UBA6: variants seen among roughly 807,000 people sequenced by gnomAD.
UBA6 encodes the protein ubiquitin-like modifier-activating enzyme 6.
In UBA6, 87 loss-of-function variants were observed where a neutral mutation model predicts 148.3. The ratio of observed to expected loss-of-function variants is 0.59; its 90% CI spans 0.49 to 0.70. The LOEUF is 0.70. Among genes scored for constraint, UBA6 ranks in the 30% least tolerant of loss-of-function variants. The probability of loss-of-function intolerance (pLI) is 0.00; values close to 1 mark genes in which losing one functional copy is unlikely to be tolerated. For missense variants in UBA6, 1,186 were observed against 1,241.2 expected (o/e 0.96, Z 0.67); for synonymous variants, 376 against 401.0 (o/e 0.94, Z 0.75).
intron 2 of UBA6, among the ~76,000 whole-genome samples, chr4:67,694,215 C>CAAAAAAAAAAAAAAAAAAAAAAAA (rs769649769): frequency 9.6e-5 from 4 of 41,872 alleles, no homozygotes; most frequent in Admixed American, 4.8e-4. Context: ...GACTCCATCT[C>CAAAAAAAAAAAAAAAAAAAAAAAA]AAAAAAAAAA....
At chr4:67,662,478 T>TC in intron 12 of UBA6, 1 of 421,452 alleles carries the variant, frequency 2.4e-6, no homozygotes, top group Non-Finnish European at 4.1e-6. Flanking sequence ...TTTTTGTTTT[T>TC]TTTTTTTTGA....
At position 67,644,725 on chromosome 4, in the gene UBA6, A is replaced by G. The variant is rs550742865; in HGVS notation, c.1449T>C (p.Gly483=). 12 of 1,610,310 alleles carry G rather than the reference A, an allele frequency of 7.5e-6. 1 individual carries two copies. The South Asian group carries it at 1.2e-4, about 16-fold the overall frequency. ...TTCCTTTCTCTTTGCTTGTGCCAAC[A>G]CCAAGTAAAGCAAAATTTTTCAACA... ...CEMLKNFALL[G]VGTSKEKGMI... The change falls in exon 17 of 33, where the codon GGT becomes GGC. Residue 483 remains glycine, a synonymous_variant. Coordinates refer to ENST00000322244, the MANE Select transcript of UBA6 (RefSeq NM_018227.6).
chr4:67,633,233 GA>G, intron 23 of UBA6, 111 bp downstream of exon 23: 2 of 985,810 alleles, frequency 2.0e-6, no homozygotes, highest in East Asian at 5.4e-5. Context: ...ACTAATTTCT[GA>G]AAAGCTTGCC....
chr4:67,632,487 T>TA (rs1729022256), intron 23 of UBA6, among the ~76,000 whole-genome samples: 1 of 152,090 alleles, frequency 6.6e-6, no homozygotes, highest in Admixed American at 6.5e-5. Flanking sequence ...TTTTTCATTA[T>TA]AAAAAAAGTT....
rs562577370 is a variant in UBA6 at position 67,646,852 on chromosome 4, G to A, written c.1249-61C>T. Reference sequence around the variant, plus strand: ...ATAAAACAAATTACTATAAAAAGAAGCTCCTTTATAGTTATTTAATAGTCA... The same window carrying A: ...ATAAAACAAATTACTATAAAAAGAAACTCCTTTATAGTTATTTAATAGTCA... On this transcript the variant is annotated intron_variant, in intron 14 of 32. Transcript: ENST00000322244. 3.0e-4 allele frequency: 319 copies of A among 1,064,584 alleles called. 3 individuals are homozygous for A. In the South Asian group the frequency reaches 6.1e-3, roughly 20 times the overall value. The allele number at this position is 1,064,584 out of a possible 1,614,324, so 65.9% of individuals were successfully genotyped here.
At chr4:67,644,253 A>G (rs1442469468) in intron 17 of UBA6, among the ~76,000 whole-genome samples, 1 of 152,138 alleles carries the variant, frequency 6.6e-6, no homozygotes, top group African/African-American at 2.4e-5. Context: ...ACTGAGCTTT[A>G]TATTTTTCCC....
chr4:67,622,228 T>C (rs1264098301), intron 32 of UBA6, among the ~76,000 whole-genome samples: 1 of 152,228 alleles, frequency 6.6e-6, no homozygotes, highest in African/African-American at 2.4e-5. Context: ...TTCCTTTCAG[T>C]CTCTGCTCAA....
chr4:67,658,414 T>C (rs1248685766), intron 13 of UBA6, among the ~76,000 whole-genome samples: 1 of 151,982 alleles, frequency 6.6e-6, no homozygotes, highest in Non-Finnish European at 1.5e-5. Flanking sequence ...CATCAAGTGA[T>C]GTAAAAACAA....
At chr4:67,641,033 T>C (rs1278727268) in intron 18 of UBA6, 118 bp downstream of exon 18, 8 of 682,644 alleles carry the variant, frequency 1.2e-5, no homozygotes, top group African/African-American at 1.9e-5. Context: ...CATTAATTGA[T>C]AATTTGAAAG....
chr4:67,642,709 CTCTTT>C (rs780445270), intron 17 of UBA6, among the ~76,000 whole-genome samples: 57 of 152,016 alleles, frequency 3.7e-4, no homozygotes, highest in Non-Finnish European at 1.5e-4. Context: ...ATTATGCAAT[CTCTTT>C]TTTTAATCTT....
intron 27 of UBA6, among the ~76,000 whole-genome samples, chr4:67,626,843 T>C (rs1338054538): frequency 6.6e-6 from 1 of 151,968 alleles, no homozygotes; most frequent in Non-Finnish European, 1.5e-5. Flanking sequence ...CTGATCTTTT[T>C]AAAAATTCCA....
intron 7 of UBA6, among the ~76,000 whole-genome samples, chr4:67,671,280 AATGT>A (rs1249795130): frequency 6.6e-6 from 1 of 152,200 alleles, no homozygotes; most frequent in Non-Finnish European, 1.5e-5. Context: ...TGCATAAAAT[AATGT>A]TTTTCTAACA....
intron 13 of UBA6, among the ~76,000 whole-genome samples, chr4:67,655,030 C>T (rs1729651974): frequency 6.6e-6 from 1 of 152,154 alleles, no homozygotes. Context: ...CAGGTGCACC[C>T]TGATTCATAA....
At chr4:67,661,451 C>G (rs1277410200) in intron 13 of UBA6, among the ~76,000 whole-genome samples, 1 of 152,158 alleles carries the variant, frequency 6.6e-6, no homozygotes, top group Admixed American at 6.5e-5. Context: ...TCCTGCCACC[C>G]TGTGAAGAGG....
rs189403560 is a variant in UBA6, at chr4:67,624,977, A to G, written c.2712+17T>C. 2.5e-5 allele frequency: 39 copies of G among 1,556,412 alleles called. No individual in the cohort carries two copies. In the African/African-American group the frequency reaches 4.5e-4, roughly 18 times the overall value. On this transcript the variant is annotated intron_variant, in intron 29 of 32. Transcript: ENST00000322244. ...AATGAAAAAGGAGCATTTTTATTCA[A>G]GGAATAATAAACTTACCAAGCCAGA...
In UBA6 at chr4:67,630,043, T is replaced by G. The variant is rs1052277348; in HGVS notation, c.2328+423A>C. Among the ~76,000 whole-genome samples the G allele has an allele frequency of 4.6e-5, 7 of 152,226 alleles. 1 individual carries two copies. In the East Asian group the frequency reaches 1.3e-3, roughly 29 times the overall value. ...AAGAAATGTCAATATAAGGGAGCATTTTCAGATTTCCTGAAAAGCACATAA... is the reference window on the plus strand; with the variant it reads ...AAGAAATGTCAATATAAGGGAGCATGTTCAGATTTCCTGAAAAGCACATAA... On this transcript the variant is annotated intron_variant, in intron 26 of 32. Coordinates refer to ENST00000322244, the MANE Select transcript of UBA6 (RefSeq NM_018227.6).
chr4:67,678,067 A>G (rs867063504), intron 5 of UBA6, among the ~76,000 whole-genome samples: 16 of 145,794 alleles, frequency 1.1e-4, no homozygotes, highest in South Asian at 2.1e-4. Flanking sequence ...ATATATATAT[A>G]TCTTTTATAT....
chr4:67,659,303 A>G (rs763875367), intron 13 of UBA6, among the ~76,000 whole-genome samples: 8 of 152,134 alleles, frequency 5.3e-5, no homozygotes, highest in Non-Finnish European at 8.8e-5. Flanking sequence ...TCACCACCCA[A>G]AATCTCATCT....
chr4:67,626,544 C>G, intron 27 of UBA6, 67 bp from the exon 28 acceptor site: 1 of 975,732 alleles, frequency 1.0e-6, no homozygotes, highest in Non-Finnish European at 1.5e-6. Context: ...TACCATTTAA[C>G]TGTTTTATCA....
Sources: allele counts gnomAD v4.1 joint callset (sites outside exome capture counted in the v4.1 genomes callset), GRCh38; gene constraint gnomAD v4.1.1; transcripts MANE v1.5; gene names NCBI Gene and HGNC (gene_info 2026-07-23, HGNC 2026-07-21).